The following ADAMTS16 variants were observed in gnomAD, a reference collection of about 807,000 sequenced individuals.
ADAMTS16 encodes ADAM metallopeptidase with thrombospondin type 1 motif 16.
In ADAMTS16, 94 loss-of-function variants were observed where a neutral mutation model predicts 145.8. The observed-to-expected ratio is 0.64, with a 90% CI of 0.55 to 0.77. The LOEUF is 0.77. Ranked by LOEUF, ADAMTS16 falls within the 30% of genes least tolerant of loss-of-function variation. ADAMTS16 has a pLI of 0.00. For synonymous variants in ADAMTS16, 659 were observed against 604.3 expected, an observed-to-expected ratio of 1.09 and a Z score of -1.33; for missense variants, 1,585 against 1,591.5, an observed-to-expected ratio of 1.00 and a Z score of 0.07.
intron 18 of ADAMTS16, among the ~76,000 whole-genome samples, chr5:5,291,910 T>C (rs2126490584): frequency 6.6e-6 from 1 of 152,346 alleles, no homozygotes; most frequent in South Asian, 2.1e-4. Context: ...TAGCTCTGTA[T>C]ATGTGAATTG....
rs780828850 is a variant in ADAMTS16 at position 5,187,800 on chromosome 5, G to A, written c.1039G>A (p.Asp347Asn). The A allele has an allele frequency of 6.3e-7, 1 of 1,595,292 alleles. No homozygotes were observed. Among genetic ancestry groups the A allele is most frequent in the Non-Finnish European group, 8.6e-7 (1 of 1,163,314 alleles). The part of the protein sequence containing the change: ...IAIVGLILLE[D>N]EQPGLVISHH... Reference sequence around the variant, plus strand: ...AATTGTAGGTCTGATTCTTCTAGAAGATGAACAGGTAGTTTATCTTTGAAA... The same window carrying A: ...AATTGTAGGTCTGATTCTTCTAGAAAATGAACAGGTAGTTTATCTTTGAAA... The change falls in exon 6 of 23, where the codon GAT (aspartate) becomes AAT (asparagine). Residue 347 changes from aspartate to asparagine, a missense_variant. Physicochemically the swap from Asp to Asn is conservative, Grantham distance 23. Around this residue, in one of 3 missense-constraint regions of ADAMTS16, gnomAD observed 298 missense variants for 367.6 expected, o/e 0.81. Transcript: ENST00000274181.
intron 3 of ADAMTS16, among the ~76,000 whole-genome samples, chr5:5,173,319 G>A (rs560064275): frequency 1.5e-3 from 218 of 147,312 alleles, no homozygotes; most frequent in Middle Eastern, 7.1e-3. Flanking sequence ...TTTTTGTGCC[G>A]TTTTATTTCT....
At chr5:5,212,066 C>G (rs1248096824) in intron 10 of ADAMTS16, among the ~76,000 whole-genome samples, 1 of 152,040 alleles carries the variant, frequency 6.6e-6, no homozygotes, top group Non-Finnish European at 1.5e-5. Context: ...ATATTTCTTA[C>G]ATCTTCTGCA....
intron 6 of ADAMTS16, among the ~76,000 whole-genome samples, chr5:5,188,286 A>AT (rs1470555012): frequency 1.3e-5 from 2 of 152,174 alleles, no homozygotes; most frequent in Non-Finnish European, 2.9e-5. Context: ...ACAGTCTGAG[A>AT]TTTTTTATTT....
chr5:5,143,904 C>G (rs1299196959), intron 2 of ADAMTS16, among the ~76,000 whole-genome samples: 1 of 152,182 alleles, frequency 6.6e-6, no homozygotes, highest in Non-Finnish European at 1.5e-5. Flanking sequence ...ACTGCATGTT[C>G]TCACTCGTAA....
chr5:5,149,806 T>G (rs1372975194), intron 3 of ADAMTS16, among the ~76,000 whole-genome samples: 1 of 152,240 alleles, frequency 6.6e-6, no homozygotes, highest in African/African-American at 2.4e-5. Flanking sequence ...ATACACTATG[T>G]GGCCTTTGTG....
rs369157690 is a variant in ADAMTS16 at position 5,239,752 on chromosome 5, T to G, written c.2350T>G (p.Ser784Ala). The G allele has an allele frequency of 4.0e-5, 65 of 1,614,022 alleles. No individual in the cohort carries two copies. Among genetic ancestry groups the G allele is most frequent in the Non-Finnish European group, 5.1e-5 (60 of 1,180,030 alleles). Residue 784 changes from serine to alanine, a missense_variant, in exon 16 of 23, where the codon TCC becomes GCC. Physicochemically the swap from Ser to Ala is moderately conservative, Grantham distance 99 (BLOSUM62 1). This residue lies in a region of ADAMTS16 where 834 missense variants were observed against 811.7 expected (regional missense o/e 1.03). Coordinates refer to ENST00000274181, the MANE Select transcript of ADAMTS16 (RefSeq NM_139056.4). ...IRIYEMNVSTSYISVRNALRR... is the reference protein window; with the variant it reads ...IRIYEMNVSTAYISVRNALRR... ...CATCTATGAAATGAACGTCTCTACCTCCTACATTTCTGTGCGCAATGCCCT... is the reference window on the plus strand; with the variant it reads ...CATCTATGAAATGAACGTCTCTACCGCCTACATTTCTGTGCGCAATGCCCT...
chr5:5,319,797 T>C lies in ADAMTS16; in HGVS notation c.*659T>C. 2.2e-6 allele frequency: 1 copy of C among 448,656 alleles called. No individual in the cohort carries two copies. The highest frequency in any genetic ancestry group is 1.6e-5 in the South Asian group (1 of 63,096). The allele number at this position is 448,656 out of a possible 1,614,324, so 27.8% of individuals were successfully genotyped here. On this transcript the variant is annotated 3_prime_UTR_variant, in exon 23 of 23. Coordinates refer to ENST00000274181, the MANE Select transcript of ADAMTS16 (RefSeq NM_139056.4). ...ACTTTGCCTATGGAAATGGGAAAAA[T>C]GAAATTCCTGCTAAGGTGCTTCTAT...
chr5:5,258,980 C>T (rs1737898691), intron 17 of ADAMTS16, among the ~76,000 whole-genome samples: 1 of 152,134 alleles, frequency 6.6e-6, no homozygotes, highest in Admixed American at 6.5e-5. Context: ...GCTCTCCCCT[C>T]CTGAGGGCAG....
intron 9 of ADAMTS16, among the ~76,000 whole-genome samples, chr5:5,204,594 A>G (rs1736043325): frequency 1.3e-5 from 2 of 152,248 alleles, no homozygotes; most frequent in South Asian, 2.1e-4. Flanking sequence ...TTGTTGCTGC[A>G]TCTAAATATA....
At chr5:5,280,822 A>T (rs1738873755) in intron 18 of ADAMTS16, among the ~76,000 whole-genome samples, 1 of 152,244 alleles carries the variant, frequency 6.6e-6, no homozygotes, top group African/African-American at 2.4e-5. Flanking sequence ...AAGAAAATAA[A>T]GTAAATTACC....
In ADAMTS16 at chr5:5,182,238, C is replaced by A; in HGVS notation, c.696C>A (p.Pro232=). 3.7e-6 allele frequency: 6 copies of A among 1,614,126 alleles called. No individual in the cohort carries two copies. The highest frequency in any genetic ancestry group is 5.1e-6 in the Non-Finnish European group (6 of 1,180,002). The change falls in exon 4 of 23, where the codon CCC becomes CCA. Residue 232 remains proline, a synonymous_variant. Transcript: ENST00000274181. ...GGACATGGGAGCTGGCACATCAACCCCTGCACAGCAGCGACCTTCGCCTGG... is the reference window on the plus strand; with the variant it reads ...GGACATGGGAGCTGGCACATCAACCACTGCACAGCAGCGACCTTCGCCTGG... ...TSRTWELAHQ[P]LHSSDLRLGL...
At chr5:5,207,144 C>T (rs1021668198) in intron 9 of ADAMTS16, among the ~76,000 whole-genome samples, 5 of 152,184 alleles carry the variant, frequency 3.3e-5, no homozygotes, top group African/African-American at 1.2e-4. Context: ...ATGGGAAGAA[C>T]TAATCTCCTG....
intron 18 of ADAMTS16, among the ~76,000 whole-genome samples, chr5:5,287,286 T>C (rs1457356452): frequency 6.6e-6 from 1 of 152,244 alleles, no homozygotes; most frequent in Non-Finnish European, 1.5e-5. Flanking sequence ...CCTTCACACC[T>C]GAGTCTCATC....
intron 19 of ADAMTS16, 44 bp downstream of exon 19, chr5:5,303,513 A>G: frequency 6.2e-7 from 1 of 1,608,150 alleles, no homozygotes; most frequent in East Asian, 2.2e-5. Context: ...GGGCCCCTGC[A>G]TGATCTGCTG....
chr5:5,263,541 T>C (rs1274282839), intron 18 of ADAMTS16, among the ~76,000 whole-genome samples: 1 of 152,208 alleles, frequency 6.6e-6, no homozygotes, highest in Non-Finnish European at 1.5e-5. Context: ...ACTCAGCCCC[T>C]TGTGGGAGGG....
chr5:5,167,966 G>C (rs908840227), intron 3 of ADAMTS16, among the ~76,000 whole-genome samples: 1 of 152,174 alleles, frequency 6.6e-6, no homozygotes, highest in African/African-American at 2.4e-5. Context: ...ATTTAAATGT[G>C]CATAGCCACA....
intron 11 of ADAMTS16, among the ~76,000 whole-genome samples, chr5:5,231,843 T>G (rs1233547405): frequency 6.6e-6 from 1 of 152,186 alleles, no homozygotes; most frequent in African/African-American, 2.4e-5. Context: ...CTGCGTGACC[T>G]CTAACATGGC....
chr5:5,198,500 G>T (rs1252925641), intron 8 of ADAMTS16, among the ~76,000 whole-genome samples: 2 of 152,060 alleles, frequency 1.3e-5, no homozygotes, highest in Admixed American at 6.5e-5. Flanking sequence ...TCCCAGCTAG[G>T]CTGTGACATC....
Sources: gnomAD v4.1 joint callset for allele counts (sites outside exome capture counted in the v4.1 genomes callset) on GRCh38, gnomAD v4.1.1 for gene constraint, gnomAD v4.1.1 regional missense constraint, MANE v1.5 for transcripts, NCBI Gene and HGNC (gene_info 2026-07-23, HGNC 2026-07-21) for gene names.